Variants in OR14I1 observed in about 807,000 individuals in gnomAD.
OR14I1 encodes the protein olfactory receptor 14I1.
For synonymous variants in OR14I1, 118 were observed against 71.1 expected, an observed-to-expected ratio of 1.66 and a Z score of -3.32; for missense variants, 279 against 181.8, an observed-to-expected ratio of 1.53 and a Z score of -3.07.
At chr1:248,693,105 A>C in the OR14I1 span, among the ~76,000 whole-genome samples, 3 of 152,114 alleles carry the variant, frequency 2.0e-5, no homozygotes, top group African/African-American at 7.2e-5. Flanking sequence ...TATCGGGAGG[A>C]GTCATTCAGT....
the OR14I1 span, among the ~76,000 whole-genome samples, chr1:248,698,023 G>A: frequency 3.3e-5 from 5 of 152,150 alleles, no homozygotes; most frequent in African/African-American, 1.2e-4. Flanking sequence ...GGAATAGCAC[G>A]AAATGCAGTG....
At chr1:248,678,988 A>G (rs1042673750), downstream of OR14I1, among the ~76,000 whole-genome samples, 1 of 152,236 alleles carries the variant, frequency 6.6e-6, no homozygotes, top group Admixed American at 6.5e-5. Context: ...AAGTACCTCT[A>G]AACAGTTCAA....
exon 1 of OR14I1, chr1:248,681,581 G>T (rs759549085): frequency 6.4e-6 from 5 of 780,824 alleles, no homozygotes; most frequent in Non-Finnish European, 1.2e-5. Flanking sequence ...ACAATGAGCT[G>T]GGGGGAGCAG....
upstream of OR14I1, among the ~76,000 whole-genome samples, chr1:248,686,413 G>A (rs1168919688): frequency 6.6e-6 from 1 of 152,138 alleles, no homozygotes; most frequent in Non-Finnish European, 1.5e-5. Context: ...TGATGCTGAA[G>A]AGCTGCCCTT....
the OR14I1 span, chr1:248,691,788 C>G: frequency 1.3e-5 from 2 of 152,420 alleles, no homozygotes; most frequent in African/African-American, 4.8e-5. Flanking sequence ...CCGGACCGCC[C>G]GGCGTCAGGT....
the OR14I1 span, among the ~76,000 whole-genome samples, chr1:248,702,380 T>G: frequency 6.6e-6 from 1 of 152,198 alleles, no homozygotes; most frequent in Non-Finnish European, 1.5e-5. Flanking sequence ...ACAAAGGGAC[T>G]ACACTCTACA....
exon 1 of OR14I1, chr1:248,682,016 C>G (rs745542343): frequency 3.8e-6 from 3 of 780,806 alleles, no homozygotes; most frequent in Non-Finnish European, 7.2e-6. Context: ...TAGACTTGAG[C>G]CACACAGCCA....
chr1:248,698,685 A>G, the OR14I1 span, among the ~76,000 whole-genome samples: 26,145 of 152,202 alleles, frequency 0.17, 2,698 homozygotes, highest in African/African-American at 0.29. Context: ...TGGAAGTCCC[A>G]TCTTTGGAGG....
At chr1:248,693,844 A>G in the OR14I1 span, among the ~76,000 whole-genome samples, 1 of 151,606 alleles carries the variant, frequency 6.6e-6, no homozygotes, top group African/African-American at 2.4e-5. Context: ...GAACAGTGCT[A>G]TTAACTTGCC....
downstream of OR14I1, chr1:248,681,236 C>A: frequency 1.8e-6 from 1 of 566,954 alleles, no homozygotes; most frequent in Non-Finnish European, 3.1e-6. Context: ...TTGTCTTTCT[C>A]CCATTCAACA....
upstream of OR14I1, among the ~76,000 whole-genome samples, chr1:248,683,603 G>A (rs184223298): frequency 6.6e-6 from 1 of 152,324 alleles, no homozygotes; most frequent in East Asian, 1.9e-4. Flanking sequence ...AAGATAATGT[G>A]AAATGTTATT....
At chr1:248,680,219 A>T (rs141834628), downstream of OR14I1, among the ~76,000 whole-genome samples, 9 of 152,372 alleles carry the variant, frequency 5.9e-5, no homozygotes, top group African/African-American at 1.2e-4. Flanking sequence ...AAAAATGAGA[A>T]AAAATAATTT....
At chr1:248,690,609 A>T in the OR14I1 span, among the ~76,000 whole-genome samples, 2 of 48,280 alleles carry the variant, frequency 4.1e-5, no homozygotes, top group African/African-American at 1.0e-4. Flanking sequence ...CCAAAAAAAA[A>T]AAAAAAAAAA....
the OR14I1 span, among the ~76,000 whole-genome samples, chr1:248,690,609 A>AAAT: frequency 2.1e-5 from 1 of 48,280 alleles, no homozygotes; most frequent in East Asian, 6.3e-4. Flanking sequence ...CCAAAAAAAA[A>AAAT]AAAAAAAAAA....
chr1:248,702,297 G>C, the OR14I1 span, among the ~76,000 whole-genome samples: 1 of 152,080 alleles, frequency 6.6e-6, no homozygotes, highest in African/African-American at 2.4e-5. Flanking sequence ...AAAACAATTA[G>C]TTACTTCCAA....
chr1:248,692,403 C>T, the OR14I1 span, among the ~76,000 whole-genome samples: 1 of 152,270 alleles, frequency 6.6e-6, no homozygotes, highest in Non-Finnish European at 1.5e-5. Flanking sequence ...CCAACGTTGC[C>T]ACTTTCTCCC....
chr1:248,688,802 T>C, the OR14I1 span, among the ~76,000 whole-genome samples: 1 of 152,168 alleles, frequency 6.6e-6, no homozygotes, highest in Non-Finnish European at 1.5e-5. Flanking sequence ...AGAAGCAGGA[T>C]TAAAGAGAGA....
At chr1:248,693,899 T>TTA in the OR14I1 span, among the ~76,000 whole-genome samples, 1 of 132,368 alleles carries the variant, frequency 7.6e-6, no homozygotes, top group African/African-American at 2.9e-5. Context: ...CAGAACTTTT[T>TTA]AAAAAAAAAA....
At chr1:248,678,756 T>C (rs980932351), downstream of OR14I1, among the ~76,000 whole-genome samples, 5 of 152,112 alleles carry the variant, frequency 3.3e-5, no homozygotes, top group African/African-American at 1.2e-4. Flanking sequence ...GTTTTTACCA[T>C]TGTCTGAAGG....
Sources: gnomAD v4.1 joint callset for allele counts (sites outside exome capture counted in the v4.1 genomes callset) on GRCh38, gnomAD v4.1.1 for gene constraint, MANE v1.5 for transcripts, NCBI Gene and HGNC (gene_info 2026-07-23, HGNC 2026-07-21) for gene names.